The following CACNA1C variants were observed in gnomAD, a reference collection of about 807,000 sequenced individuals.
The protein encoded by CACNA1C is voltage-dependent L-type calcium channel subunit alpha-1C.
In CACNA1C, 30 loss-of-function variants were observed where a neutral mutation model predicts 229.0. The ratio of observed to expected loss-of-function variants is 0.13; its 90% CI spans 0.10 to 0.18. CACNA1C has a LOEUF of 0.18. CACNA1C is among the 10% of genes least tolerant of loss of function. The pLI, the probability that CACNA1C is intolerant of heterozygous loss-of-function variation, is 1.00. For synonymous variants in CACNA1C, 1,114 were observed against 1,132.5 expected, an observed-to-expected ratio of 0.98 and a Z score of 0.33; for missense variants, 1,658 against 2,845.0, an observed-to-expected ratio of 0.58 and a Z score of 9.49.
rs949955715 is a variant in CACNA1C, at chr12:2,649,241, AGT to A, written c.3945+738_3945+739del. On this transcript the variant is annotated intron_variant, in intron 31 of 46. Coordinates refer to ENST00000399655, the MANE Select transcript of CACNA1C (RefSeq NM_000719.7). The surrounding 1 kb of genome is among the most constrained non-coding windows in gnomAD (Gnocchi z 4.4). The stretch of plus-strand genomic sequence containing the variant: ...TGAAGTGATAAAAGAGACGCCATTC[AGT>A]GTGACCTTGAAGCCTCCTTGGCCCA... Among the ~76,000 whole-genome samples the A allele has an allele frequency of 6.6e-6, 1 of 152,232 alleles. No individual in the cohort carries two copies. Among genetic ancestry groups the A allele is most frequent in the African/African-American group, 2.4e-5 (1 of 41,466 alleles).
rs1255782993 is a variant in CACNA1C, at chr12:2,222,623, AC to A, written c.477+102196del. 3.9e-5 allele frequency among the ~76,000 whole-genome samples: 6 copies of A among 152,274 alleles called. No homozygotes were observed. In the East Asian group the frequency reaches 9.6e-4, roughly 24 times the overall value. ...GATTTTTGGATGGATCATTTATGGT[AC>A]CCTGTCGTGCCCTTTAGTACACCTT... On this transcript the variant is annotated intron_variant, in intron 3 of 46. Transcript: ENST00000399655.
At chr12:2,069,243 C>T (rs1405613054) in intron 1 of CACNA1C, among the ~76,000 whole-genome samples, 1 of 152,136 alleles carries the variant, frequency 6.6e-6, no homozygotes, top group African/African-American at 2.4e-5. Context: ...AATGATTTTT[C>T]CTGGGTCTGT....
intron 3 of CACNA1C, among the ~76,000 whole-genome samples, chr12:2,171,277 T>C (rs2096466059): frequency 6.6e-6 from 1 of 152,182 alleles, no homozygotes; most frequent in African/African-American, 2.4e-5. Flanking sequence ...ACTGGCCCCG[T>C]AGAGATTAAG....
chr12:2,614,878 G>A (rs558909806), intron 29 of CACNA1C: 2 of 151,252 alleles, frequency 1.3e-5, no homozygotes, highest in Admixed American at 1.3e-4. Context: ...TCATTTCTGT[G>A]TGTTCTCCTC....
intron 3 of CACNA1C, among the ~76,000 whole-genome samples, chr12:2,256,784 A>T (rs990575403): frequency 6.6e-6 from 1 of 152,228 alleles, no homozygotes; most frequent in Non-Finnish European, 1.5e-5. Flanking sequence ...AATTCAGGAG[A>T]TTCAGGGTGT....
chr12:2,595,501 G>A lies in CACNA1C; in HGVS notation c.2664-373G>A, dbSNP rs145606937. On this transcript the variant is annotated intron_variant, in intron 19 of 46. Coordinates refer to ENST00000399655, the MANE Select transcript of CACNA1C (RefSeq NM_000719.7). This position sits in a 1 kb window ranked among gnomAD's most constrained non-coding sequence, Gnocchi z 4.1. ...CTGGCCTCTCAGCATACCCAGCTCC[G>A]GGTAGTCCTATTGTGCCTTATGCAT... is the stretch of plus-strand genomic sequence containing the variant. 2.7e-3 allele frequency among the ~76,000 whole-genome samples: 414 copies of A among 152,154 alleles called. 4 individuals are homozygous for A. Among genetic ancestry groups the A allele is most frequent in the Middle Eastern group, 0.014 (4 of 294 alleles).
chr12:2,079,917 T>A (rs977544088), intron 1 of CACNA1C, among the ~76,000 whole-genome samples: 3 of 152,106 alleles, frequency 2.0e-5, no homozygotes, highest in Non-Finnish European at 4.4e-5. Context: ...ACAAACAGAA[T>A]TACTACCTTG....
intron 3 of CACNA1C, among the ~76,000 whole-genome samples, chr12:2,185,126 C>T (rs2096958733): frequency 1.3e-5 from 2 of 152,326 alleles, no homozygotes; most frequent in South Asian, 4.1e-4. Context: ...CTGCCATCTC[C>T]AAGTTGTCTC....
intron 5 of CACNA1C, among the ~76,000 whole-genome samples, chr12:2,475,542 C>G (rs1178177994): frequency 6.6e-6 from 1 of 151,956 alleles, no homozygotes; most frequent in Non-Finnish European, 1.5e-5. Flanking sequence ...GGAAAAGAAC[C>G]AAATGTAAAT....
intron 1 of CACNA1C, among the ~76,000 whole-genome samples, chr12:1,975,861 C>T (rs774356596): frequency 2.6e-5 from 4 of 152,094 alleles, no homozygotes; most frequent in Non-Finnish European, 2.9e-5. Flanking sequence ...AGGTTCTCTC[C>T]GTGAGTCCCC....
intron 3 of CACNA1C, among the ~76,000 whole-genome samples, chr12:2,328,683 C>T (rs1217756223): frequency 6.6e-6 from 1 of 152,174 alleles, no homozygotes; most frequent in Non-Finnish European, 1.5e-5. Context: ...ATGAATGCCA[C>T]TTGGTCTGTT....
At chr12:2,182,841 G>A (rs2096882591) in intron 3 of CACNA1C, among the ~76,000 whole-genome samples, 2 of 152,136 alleles carry the variant, frequency 1.3e-5, no homozygotes, top group South Asian at 2.1e-4. Context: ...GGGCGCGTGT[G>A]CAGACATCTT....
intron 3 of CACNA1C, among the ~76,000 whole-genome samples, chr12:2,126,586 G>A (rs1418822687): frequency 6.6e-6 from 1 of 152,240 alleles, no homozygotes; most frequent in African/African-American, 2.4e-5. Flanking sequence ...CAAGCTTGAA[G>A]TGGAGGTGGA....
chr12:2,682,286 G>T (rs1213079489), intron 42 of CACNA1C, among the ~76,000 whole-genome samples: 1 of 150,972 alleles, frequency 6.6e-6, no homozygotes, highest in East Asian at 2.0e-4. Flanking sequence ...GAGGGTAAGT[G>T]GATTGGGGTC....
At chr12:2,541,194 C>T (rs576323824) in intron 9 of CACNA1C, among the ~76,000 whole-genome samples, 1 of 152,220 alleles carries the variant, frequency 6.6e-6, no homozygotes, top group South Asian at 2.1e-4. Flanking sequence ...CAGAGGTATG[C>T]GGGGGCTGGG....
intron 3 of CACNA1C, among the ~76,000 whole-genome samples, chr12:2,145,365 C>A (rs959568877): frequency 1.3e-5 from 2 of 150,930 alleles, no homozygotes; most frequent in African/African-American, 2.4e-5. Context: ...AGTAATAAAA[C>A]TCTTTGTTTA....
intron 3 of CACNA1C, among the ~76,000 whole-genome samples, chr12:2,307,915 A>G (rs1404425737): frequency 6.6e-6 from 1 of 152,138 alleles, no homozygotes; most frequent in Non-Finnish European, 1.5e-5. Flanking sequence ...GACTTATTTA[A>G]AAGGAAGACC....
chr12:2,086,763 GGGAT>G (rs1049142135), intron 1 of CACNA1C, among the ~76,000 whole-genome samples: 2 of 152,190 alleles, frequency 1.3e-5, no homozygotes, highest in African/African-American at 4.8e-5. Context: ...AGGAAACAGA[GGGAT>G]GGTGCGTGGG....
chr12:2,568,851 C>A (rs2052761253), intron 13 of CACNA1C, among the ~76,000 whole-genome samples: 1 of 151,972 alleles, frequency 6.6e-6, no homozygotes, highest in Non-Finnish European at 1.5e-5. Flanking sequence ...GTATTTAGCA[C>A]CACTGAATTC....
Sources: gnomAD v4.1 joint callset for allele counts (sites outside exome capture counted in the v4.1 genomes callset) on GRCh38, gnomAD v4.1.1 for gene constraint, Gnocchi (gnomAD v3.1) non-coding constraint, MANE v1.5 for transcripts, NCBI Gene and HGNC (gene_info 2026-07-23, HGNC 2026-07-21) for gene names.